NRXN3: variants seen among roughly 807,000 people sequenced by gnomAD.
NRXN3 encodes the protein neurexin 3.
NRXN3 carries 32 observed loss-of-function variants against 137.6 expected under a neutral mutation model. The observed-to-expected ratio is 0.23, with a 90% confidence interval of 0.18 to 0.31. The LOEUF is 0.31. NRXN3 is among the 10% of genes least tolerant of loss of function. The pLI is 1.00. For missense variants in NRXN3, 1,574 were observed against 2,062.5 expected (o/e 0.76, Z 4.59); for synonymous variants, 798 against 784.5 (o/e 1.02, Z -0.29).
At position 79,565,736 on chromosome 14, in the gene NRXN3, A is replaced by G. The variant is rs2097545122; in HGVS notation, c.3445-98042A>G. Reference sequence around the variant, plus strand: ...TTCTTTGAGGGAAAGAGATGTGTCTATTTACAGGGAATAAAGCTAAGCACA... The same window carrying G: ...TTCTTTGAGGGAAAGAGATGTGTCTGTTTACAGGGAATAAAGCTAAGCACA... On this transcript the variant is annotated intron_variant, in intron 16 of 20. Coordinates refer to ENST00000335750, the MANE Select transcript of NRXN3 (RefSeq NM_001330195.2). Among the ~76,000 whole-genome samples the G allele has an allele frequency of 2.0e-5, 3 of 152,044 alleles. No homozygotes were observed. In the South Asian group the frequency reaches 6.2e-4, roughly 32 times the overall value.
chr14:78,719,177 T>A (rs1399500039), intron 8 of NRXN3, among the ~76,000 whole-genome samples: 2 of 152,246 alleles, frequency 1.3e-5, no homozygotes, highest in African/African-American at 4.8e-5. Flanking sequence ...TCTAAACATA[T>A]CCTGGCATTC....
intron 3 of NRXN3, chr14:78,283,117 A>G (rs2074639247): frequency 6.6e-6 from 1 of 152,200 alleles, no homozygotes; most frequent in African/African-American, 2.4e-5. Flanking sequence ...AGAATGAGAT[A>G]TCTGATCTGG....
chr14:79,861,690 G>A lies in NRXN3; in HGVS notation c.4442G>A (p.Arg1481Gln), dbSNP rs768341004. The change falls in exon 21 of 21, where the codon CGG becomes CAG. Residue 1481 changes from arginine (R) to glutamine (Q), a missense_variant. This residue lies in a region of NRXN3 where 320 missense variants were observed against 387.1 expected (regional missense o/e 0.83). Coordinates refer to ENST00000335750, the MANE Select transcript of NRXN3 (RefSeq NM_001330195.2). This position sits in a 1 kb window ranked among gnomAD's most constrained non-coding sequence, Gnocchi z 5.4. ...TANPTEPGIR[R>Q]VPGASEVIRE... is the part of the protein sequence containing the mutation. ...AACCCCACGGAGCCGGGAATCAGAC[G>A]GGTTCCGGGGGCCTCAGAGGTGATC... The A allele has an allele frequency of 3.7e-6, 6 of 1,614,154 alleles. No individual in the cohort carries two copies. The highest frequency in any genetic ancestry group is 2.2e-5 in the East Asian group (1 of 44,866).
intron 16 of NRXN3, among the ~76,000 whole-genome samples, chr14:79,486,945 CT>C (rs2096661842): frequency 2.6e-5 from 4 of 151,094 alleles, no homozygotes; most frequent in South Asian, 4.2e-4. Flanking sequence ...CTCTCTCTCT[CT>C]CTCTCTCTCT....
intron 15 of NRXN3, among the ~76,000 whole-genome samples, chr14:79,014,437 A>G (rs567903436): frequency 3.9e-5 from 6 of 152,220 alleles, no homozygotes; most frequent in Admixed American, 3.3e-4. Flanking sequence ...ACATGATCTC[A>G]TTCTTTTTAT....
At chr14:79,527,293 C>CAAAAA (rs397954192) in intron 16 of NRXN3, among the ~76,000 whole-genome samples, 1 of 58,656 alleles carries the variant, frequency 1.7e-5, no homozygotes, top group East Asian at 5.4e-4. Flanking sequence ...GACTCTGTCT[C>CAAAAA]AAAAAAAAAA....
At chr14:78,440,750 G>A (rs1213856113) in intron 4 of NRXN3, among the ~76,000 whole-genome samples, 1 of 152,168 alleles carries the variant, frequency 6.6e-6, no homozygotes, top group Admixed American at 6.6e-5. Context: ...GCCAGGAGGA[G>A]GTGAGGAGGG....
intron 16 of NRXN3, among the ~76,000 whole-genome samples, chr14:79,529,891 G>A (rs1364873056): frequency 1.3e-5 from 2 of 152,132 alleles, no homozygotes; most frequent in East Asian, 3.9e-4. Flanking sequence ...AAAACTGCCA[G>A]CCTATGTTCA....
At chr14:79,350,466 G>T (rs1236916010) in intron 15 of NRXN3, among the ~76,000 whole-genome samples, 1 of 152,120 alleles carries the variant, frequency 6.6e-6, no homozygotes, top group Non-Finnish European at 1.5e-5. Context: ...TCCTGGACTA[G>T]CTTACACTTG....
intron 19 of NRXN3, among the ~76,000 whole-genome samples, chr14:79,739,136 T>C (rs2098951968): frequency 6.6e-6 from 1 of 152,204 alleles, no homozygotes; most frequent in South Asian, 2.1e-4. Context: ...GAAACTATCA[T>C]TGCCTGTGGG....
At chr14:79,404,261 T>C (rs985585570) in intron 15 of NRXN3, among the ~76,000 whole-genome samples, 10 of 152,078 alleles carry the variant, frequency 6.6e-5, no homozygotes, top group African/African-American at 2.4e-4. Context: ...TTTACAAGAG[T>C]AGGATCTCAT....
chr14:79,601,561 AG>A (rs2097921908), intron 16 of NRXN3, among the ~76,000 whole-genome samples: 1 of 152,208 alleles, frequency 6.6e-6, no homozygotes, highest in Admixed American at 6.5e-5. Flanking sequence ...TGCCTGAACA[AG>A]CCCCCCTTGC....
At chr14:79,707,687 T>C (rs1269510014) in intron 19 of NRXN3, among the ~76,000 whole-genome samples, 1 of 152,206 alleles carries the variant, frequency 6.6e-6, no homozygotes, top group Non-Finnish European at 1.5e-5. Context: ...GTTGCTAGTT[T>C]GTGGTCTCTG....
rs1001395385 is a variant in NRXN3 at position 79,865,480 on chromosome 14, A to G, written c.*3516A>G. The G allele has an allele frequency of 2.0e-5, 3 of 152,222 alleles. No homozygotes were observed. Among genetic ancestry groups the G allele is most frequent in the African/African-American group, 7.2e-5 (3 of 41,464 alleles). 9.4% of individuals were successfully genotyped at this position (152,222 alleles called of 1,614,324 possible). A position where few individuals can be genotyped will look rare whatever the true frequency, so the allele number is the denominator to read the frequency against. ...TTTTCAAAGAGTTAGAATTTTAAAAATATATATTTAGTTAAGCCTGTGCCT... is the reference window on the plus strand; with the variant it reads ...TTTTCAAAGAGTTAGAATTTTAAAAGTATATATTTAGTTAAGCCTGTGCCT... On this transcript the variant is annotated 3_prime_UTR_variant, in exon 21 of 21. Transcript: ENST00000335750.
chr14:79,257,466 GTGGTGATGGTGGTGA>G (rs2076844305), intron 15 of NRXN3, among the ~76,000 whole-genome samples: 1 of 42,940 alleles, frequency 2.3e-5, no homozygotes, highest in Admixed American at 2.7e-4. Flanking sequence ...GGTGGTGGTG[GTGGTGATGGTGGTGA>G]TGGTGGTGAT....
intron 4 of NRXN3, among the ~76,000 whole-genome samples, chr14:78,437,090 T>G (rs1191172825): frequency 2.6e-5 from 4 of 152,194 alleles, no homozygotes; most frequent in Non-Finnish European, 2.9e-5. Flanking sequence ...TTCATGTGGT[T>G]GTTATGATGA....
At chr14:78,880,047 G>A (rs1001783473) in intron 10 of NRXN3, among the ~76,000 whole-genome samples, 1 of 141,636 alleles carries the variant, frequency 7.1e-6, no homozygotes, top group Non-Finnish European at 1.5e-5. Flanking sequence ...AGACCATCCC[G>A]GCTAAAACGG....
chr14:79,298,461 T>A (rs551712577), intron 15 of NRXN3, among the ~76,000 whole-genome samples: 28 of 152,056 alleles, frequency 1.8e-4, no homozygotes, highest in Non-Finnish European at 3.7e-4. Context: ...GATACATGAA[T>A]AGGGAGACCA....
chr14:78,930,932 G>A (rs989547829), intron 10 of NRXN3, among the ~76,000 whole-genome samples: 2 of 152,032 alleles, frequency 1.3e-5, no homozygotes, highest in African/African-American at 4.8e-5. Context: ...CACAGGAAAT[G>A]GTATGAAACT....
Sources: allele counts gnomAD v4.1 joint callset (sites outside exome capture counted in the v4.1 genomes callset), GRCh38; gene constraint gnomAD v4.1.1; regional missense constraint gnomAD v4.1.1; non-coding constraint Gnocchi (gnomAD v3.1); transcripts MANE v1.5; gene names NCBI Gene and HGNC (gene_info 2026-07-23, HGNC 2026-07-21).